The following LDB2 variants were observed in gnomAD, a reference collection of about 807,000 sequenced individuals.
LDB2 encodes the protein LIM domain binding 2.
In LDB2, 12 loss-of-function variants were observed where a neutral mutation model predicts 44.3. The ratio of observed to expected loss-of-function variants is 0.27; its 90% CI spans 0.17 to 0.44. LDB2 has a LOEUF of 0.44. Among genes scored for constraint, LDB2 ranks in the 20% least tolerant of loss-of-function variants. The pLI, the probability that LDB2 is intolerant of heterozygous loss-of-function variation, is 1.00. For missense variants in LDB2, 344 were observed against 473.5 expected, an observed-to-expected ratio of 0.73 and a Z score of 2.54; for synonymous variants, 164 against 174.8, an observed-to-expected ratio of 0.94 and a Z score of 0.49.
At chr4:16,718,395 CAATTT>C (rs1253614053) in intron 2 of LDB2, among the ~76,000 whole-genome samples, 3 of 151,886 alleles carry the variant, frequency 2.0e-5, no homozygotes, top group African/African-American at 7.3e-5. Flanking sequence ...AAAATGAAAA[CAATTT>C]AAAGAATTTT....
At chr4:16,850,797 T>A (rs1788067262) in intron 1 of LDB2, among the ~76,000 whole-genome samples, 1 of 152,098 alleles carries the variant, frequency 6.6e-6, no homozygotes. Context: ...GTGAGTTTGG[T>A]TTGGGAGTTG....
chr4:16,765,398 A>G (rs1768981530), intron 1 of LDB2, among the ~76,000 whole-genome samples: 1 of 152,202 alleles, frequency 6.6e-6, no homozygotes, highest in Non-Finnish European at 1.5e-5. Context: ...TGTCCAGCAA[A>G]TGCCAAGATG....
Position 16,842,046 on chromosome 4 carries a change from A to C in LDB2, c.132+56308T>G, listed in dbSNP as rs116810995. On this transcript the variant is annotated intron_variant, in intron 1 of 7. Coordinates refer to ENST00000304523, the MANE Select transcript of LDB2 (RefSeq NM_001290.5). ...TGGGTACCTCTTGGGGAACTCATCT[A>C]TTTTCATGGCTTTGGTGAGCACATT... 3.2e-3 allele frequency among the ~76,000 whole-genome samples: 483 copies of C among 152,246 alleles called. 1 individual carries two copies. Among genetic ancestry groups the C allele is most frequent in the Non-Finnish European group, 5.7e-3 (390 of 68,016 alleles).
In LDB2 at chr4:16,898,444, G is replaced by A. The variant is rs925367600; in HGVS notation, c.42C>T (p.Phe14=). 2 of 1,613,768 alleles carry A rather than the reference G, an allele frequency of 1.2e-6. No homozygotes were observed. Among genetic ancestry groups the A allele is most frequent in the Non-Finnish European group, 8.5e-7 (1 of 1,179,942 alleles). The change falls in exon 1 of 8, where the codon TTC becomes TTT. Residue 14 remains phenylalanine, a synonymous_variant. Transcript: ENST00000304523. ...GTGTATGCCTCCTATAAAATGGGCC[G>A]AAAGGAGAAGAATAGAAGGGGTCAT... ...TPHDPFYSSP[F]GPFYRRHTPY... is the part of the protein sequence containing the mutation.
chr4:16,639,900 C>G (rs1207606230), intron 2 of LDB2, among the ~76,000 whole-genome samples: 1 of 152,242 alleles, frequency 6.6e-6, no homozygotes, highest in African/African-American at 2.4e-5. Context: ...TCACAGCGCT[C>G]ACACTTGTGC....
intron 1 of LDB2, among the ~76,000 whole-genome samples, chr4:16,814,062 G>A (rs892892997): frequency 2.6e-5 from 4 of 151,972 alleles, no homozygotes; most frequent in African/African-American, 4.8e-5. Flanking sequence ...TACTAGAGAC[G>A]GGGTTTCACT....
At chr4:16,669,857 C>T (rs1744265618) in intron 2 of LDB2, among the ~76,000 whole-genome samples, 1 of 152,234 alleles carries the variant, frequency 6.6e-6, no homozygotes, top group South Asian at 2.1e-4. Context: ...AATCCCTCTG[C>T]CTGTGTCTTG....
intron 2 of LDB2, among the ~76,000 whole-genome samples, chr4:16,748,376 T>C (rs1764787083): frequency 6.6e-6 from 1 of 152,100 alleles, no homozygotes; most frequent in African/African-American, 2.4e-5. Context: ...AAAAGCAAAA[T>C]ACATGAAGGC....
intron 5 of LDB2, among the ~76,000 whole-genome samples, chr4:16,574,078 C>G (rs558667419): frequency 6.6e-6 from 1 of 152,290 alleles, no homozygotes; most frequent in African/African-American, 2.4e-5. Context: ...AGGCACTGGA[C>G]TATACTCCTG....
At position 16,840,586 on chromosome 4, in the gene LDB2, A is replaced by G. The variant is rs142386774; in HGVS notation, c.132+57768T>C. ...CGTTTGGGATCACTTGAGTGACAGG[A>G]CAGCTCAGTGGTTAGCTGTGAACTC... On this transcript the variant is annotated intron_variant, in intron 1 of 7. Coordinates refer to ENST00000304523, the MANE Select transcript of LDB2 (RefSeq NM_001290.5). Among the ~76,000 whole-genome samples, 315 of 152,300 alleles carry G rather than the reference A, an allele frequency of 2.1e-3. 5 individuals carry two copies. The East Asian group carries it at 0.037, about 18-fold the overall frequency.
At chr4:16,688,349 T>C (rs1309843669) in intron 2 of LDB2, among the ~76,000 whole-genome samples, 2 of 152,200 alleles carry the variant, frequency 1.3e-5, no homozygotes, top group Non-Finnish European at 2.9e-5. Context: ...TTAAGCAGCC[T>C]CCCAGGCCCT....
chr4:16,846,514 G>A (rs1787037078), intron 1 of LDB2, among the ~76,000 whole-genome samples: 1 of 152,152 alleles, frequency 6.6e-6, no homozygotes, highest in Non-Finnish European at 1.5e-5. Context: ...TGGCCTGAAT[G>A]CATGGAAATC....
rs1717916522 is a variant in LDB2 at position 16,588,851 on chromosome 4, A to G, written c.409-19T>C. The G allele has an allele frequency of 1.2e-6, 2 of 1,612,176 alleles. No individual in the cohort carries two copies. The highest frequency in any genetic ancestry group is 2.7e-5 in the African/African-American group (2 of 74,992). On this transcript the variant is annotated intron_variant, in intron 3 of 7. Coordinates refer to ENST00000304523, the MANE Select transcript of LDB2 (RefSeq NM_001290.5). ...TACATACCTGGAAGTGACAAACCAC[A>G]CAGTCATTCATTACGCACTTTGTGA...
intron 2 of LDB2, among the ~76,000 whole-genome samples, chr4:16,642,684 C>T (rs1388631154): frequency 6.6e-6 from 1 of 152,086 alleles, no homozygotes; most frequent in Non-Finnish European, 1.5e-5. Flanking sequence ...GGAGGTGGCT[C>T]TTGAAAGGAA....
chr4:16,615,119 G>C (rs1259874751), intron 2 of LDB2, among the ~76,000 whole-genome samples: 1 of 151,480 alleles, frequency 6.6e-6, no homozygotes, highest in East Asian at 1.9e-4. Context: ...TGCTGGTGAG[G>C]CTTTGGAGAA....
chr4:16,723,617 C>G (rs1004159859), intron 2 of LDB2, among the ~76,000 whole-genome samples: 3 of 152,142 alleles, frequency 2.0e-5, no homozygotes, highest in Non-Finnish European at 4.4e-5. Flanking sequence ...TACCTCCAAA[C>G]TGTCTTCTCT....
chr4:16,862,147 T>C (rs1048755469), intron 1 of LDB2, among the ~76,000 whole-genome samples: 1 of 152,194 alleles, frequency 6.6e-6, no homozygotes, highest in Non-Finnish European at 1.5e-5. Context: ...ATGGGCACAA[T>C]CTCTGGGCTA....
At chr4:16,654,362 T>G (rs1439604440) in intron 2 of LDB2, among the ~76,000 whole-genome samples, 1 of 151,778 alleles carries the variant, frequency 6.6e-6, no homozygotes. Flanking sequence ...AAATTTAGAG[T>G]AAGGCAGGGG....
At chr4:16,580,130 G>C (rs932216036) in intron 5 of LDB2, among the ~76,000 whole-genome samples, 1 of 152,174 alleles carries the variant, frequency 6.6e-6, no homozygotes, top group Non-Finnish European at 1.5e-5. Flanking sequence ...CTGTGCAAAG[G>C]CATGGAGGCA....
Sources: gnomAD v4.1 joint callset for allele counts (sites outside exome capture counted in the v4.1 genomes callset) on GRCh38, gnomAD v4.1.1 for gene constraint, MANE v1.5 for transcripts, NCBI Gene and HGNC (gene_info 2026-07-23, HGNC 2026-07-21) for gene names.